The following INIP variants were observed in gnomAD, a reference collection of about 807,000 sequenced individuals.
INIP encodes the protein SOSS complex subunit C.
INIP carries 9 observed loss-of-function variants against 14.0 expected under a neutral mutation model. The observed-to-expected ratio is 0.64, with a 90% CI of 0.39 to 1.12. The LOEUF (loss-of-function observed/expected upper bound fraction) is 1.12. Ranked by LOEUF, INIP falls within the 50% of genes most tolerant of loss-of-function variation. The pLI is 0.01. For synonymous variants in INIP, 37 were observed against 41.5 expected, an observed-to-expected ratio of 0.89 and a Z score of 0.41; for missense variants, 78 against 122.7, an observed-to-expected ratio of 0.64 and a Z score of 1.72.
intron 2 of INIP, among the ~76,000 whole-genome samples, chr9:112,711,990 C>A (rs974283967): frequency 2.6e-5 from 4 of 152,168 alleles, no homozygotes; most frequent in Admixed American, 1.3e-4. Context: ...CAGTATCAGG[C>A]AGAAACTGCA....
chr9:112,695,832 G>GAGA (rs1199923212), intron 2 of INIP, among the ~76,000 whole-genome samples: 1 of 102,460 alleles, frequency 9.8e-6, no homozygotes, highest in Non-Finnish European at 2.4e-5. Flanking sequence ...GAAGAAGAAG[G>GAGA]AGAAGAAGGA....
chr9:112,688,384 AGG>A (rs901389047), intron 4 of INIP, among the ~76,000 whole-genome samples: 2 of 151,464 alleles, frequency 1.3e-5, no homozygotes, highest in African/African-American at 4.8e-5. Flanking sequence ...TTGGAAGGAG[AGG>A]GGGGAAAAGG....
rs75117428 is a variant in INIP at position 112,702,363 on chromosome 9, C to A, written c.26-8130G>T. On this transcript the variant is annotated intron_variant, in intron 2 of 4. Coordinates refer to ENST00000374242, the MANE Select transcript of INIP (RefSeq NM_021218.3). ...TCAATAATGTTCATATGACTAGGAGCACAACTGAGTTTTTCAATGCCCTTC... is the reference window on the plus strand; with the variant it reads ...TCAATAATGTTCATATGACTAGGAGAACAACTGAGTTTTTCAATGCCCTTC... 7.7e-3 allele frequency among the ~76,000 whole-genome samples: 1,179 copies of A among 152,234 alleles called. 18 individuals carry two copies. Among genetic ancestry groups the A allele is most frequent in the South Asian group, 0.024 (114 of 4,814 alleles).
At chr9:112,690,376 A>G (rs1711746) in intron 3 of INIP, among the ~76,000 whole-genome samples, 12,755 of 152,162 alleles carry the variant, frequency 0.084, 586 homozygotes, top group African/African-American at 0.11. Context: ...GATTCCAGCT[A>G]CGTGGGAGGC....
At chr9:112,702,149 T>C (rs1838318673) in intron 2 of INIP, among the ~76,000 whole-genome samples, 1 of 152,192 alleles carries the variant, frequency 6.6e-6, no homozygotes, top group Non-Finnish European at 1.5e-5. Context: ...AATTTTGTCA[T>C]GAGCAAAGTA....
intron 2 of INIP, among the ~76,000 whole-genome samples, chr9:112,706,752 G>A (rs377325424): frequency 6.6e-6 from 1 of 151,730 alleles, no homozygotes; most frequent in South Asian, 2.1e-4. Flanking sequence ...TCTCATGTAC[G>A]GTAAGAACTA....
chr9:112,704,414 C>T (rs1838395318), intron 2 of INIP, among the ~76,000 whole-genome samples: 1 of 152,116 alleles, frequency 6.6e-6, no homozygotes, highest in Admixed American at 6.6e-5. Context: ...CAACAGAGCA[C>T]TGAGCTATGA....
chr9:112,687,740 T>G (rs1212577311), intron 4 of INIP, 107 bp from the exon 5 acceptor site: 7 of 547,972 alleles, frequency 1.3e-5, no homozygotes, highest in Non-Finnish European at 1.9e-5. Context: ...ACCAAATTTA[T>G]TTGTTTATTC....
intron 2 of INIP, among the ~76,000 whole-genome samples, chr9:112,705,075 C>T (rs1036191010): frequency 1.7e-4 from 21 of 124,726 alleles, no homozygotes; most frequent in Non-Finnish European, 2.8e-4. Context: ...TGTGCCATTG[C>T]ATTCCACCCT....
At chr9:112,710,268 G>A (rs1838605604) in intron 2 of INIP, among the ~76,000 whole-genome samples, 2 of 152,082 alleles carry the variant, frequency 1.3e-5, no homozygotes, top group South Asian at 4.1e-4. Context: ...AAAATCAATA[G>A]TTCCTACTAC....
chr9:112,705,593 A>T (rs1838435095), intron 2 of INIP, among the ~76,000 whole-genome samples: 1 of 152,116 alleles, frequency 6.6e-6, no homozygotes, highest in Admixed American at 6.6e-5. Flanking sequence ...TTACACGCAT[A>T]AGCCACCACA....
At chr9:112,702,596 C>T (rs543733501) in intron 2 of INIP, among the ~76,000 whole-genome samples, 5 of 152,022 alleles carry the variant, frequency 3.3e-5, no homozygotes, top group Non-Finnish European at 5.9e-5. Context: ...GACGGAGTCT[C>T]GCTCTGTCGC....
At chr9:112,716,414 CTA>C (rs1264430660) in intron 2 of INIP, 45 bp downstream of exon 2, 3 of 1,547,242 alleles carry the variant, frequency 1.9e-6, no homozygotes, top group Middle Eastern at 3.4e-4. Context: ...AATACATTTA[CTA>C]TATTGGGGAA....
intron 2 of INIP, among the ~76,000 whole-genome samples, chr9:112,715,843 T>A (rs1838794676): frequency 1.3e-5 from 2 of 152,064 alleles, no homozygotes; most frequent in Non-Finnish European, 2.9e-5. Flanking sequence ...ATTTTTAATT[T>A]TTTTTACTTT....
chr9:112,707,235 G>C (rs1049674576), intron 2 of INIP, among the ~76,000 whole-genome samples: 6 of 148,324 alleles, frequency 4.0e-5, no homozygotes, highest in African/African-American at 1.5e-4. Context: ...CACTGTGCCC[G>C]GCCTCTTTTT....
At chr9:112,707,319 T>A (rs1481206566) in intron 2 of INIP, among the ~76,000 whole-genome samples, 2 of 150,684 alleles carry the variant, frequency 1.3e-5, no homozygotes, top group Admixed American at 6.6e-5. Context: ...AAATAAAAAA[T>A]CTGTTTCAAA....
Position 112,685,246 on chromosome 9 carries a change from C to CTTTTT in INIP, c.*2287_*2291dup, listed in dbSNP as rs77792170. On this transcript the variant is annotated 3_prime_UTR_variant, in exon 5 of 5. Coordinates refer to ENST00000374242, the MANE Select transcript of INIP (RefSeq NM_021218.3). ...GCATGCACCAGCACACCTAGCCAAT[C>CTTTTT]TTTTTTTTTTTTTTTTAATTTTTTA... 1 of 140,602 alleles carries CTTTTT rather than the reference C, an allele frequency of 7.1e-6. No homozygotes were observed. Among genetic ancestry groups the CTTTTT allele is most frequent in the African/African-American group, 2.6e-5 (1 of 38,330 alleles). The allele number at this position is 140,602 out of a possible 1,614,324, so 8.7% of individuals were successfully genotyped here.
At chr9:112,701,139 C>T (rs1233060274) in intron 2 of INIP, among the ~76,000 whole-genome samples, 1 of 152,134 alleles carries the variant, frequency 6.6e-6, no homozygotes, top group African/African-American at 2.4e-5. Flanking sequence ...GAAACCCCGT[C>T]TCTACTAAAA....
chr9:112,691,622 A>T (rs1205758727), intron 3 of INIP, among the ~76,000 whole-genome samples: 1 of 152,268 alleles, frequency 6.6e-6, no homozygotes, highest in Non-Finnish European at 1.5e-5. Flanking sequence ...CATTCAAGGG[A>T]CAAATAGAGA....
Sources: gnomAD v4.1 joint callset for allele counts (sites outside exome capture counted in the v4.1 genomes callset) on GRCh38, gnomAD v4.1.1 for gene constraint, MANE v1.5 for transcripts, NCBI Gene and HGNC (gene_info 2026-07-23, HGNC 2026-07-21) for gene names.